Variants in ARHGAP44 observed in about 807,000 individuals in gnomAD.
ARHGAP44 encodes the protein Rho GTPase activating protein 44, also known as rho GTPase-activating protein 44.
Under a neutral mutation model 106.8 loss-of-function variants are expected in ARHGAP44, and 43 were observed. That is an observed-to-expected ratio of 0.40 (90% CI 0.32 to 0.52). The LOEUF is 0.52. Ranked by LOEUF, ARHGAP44 falls within the 20% of genes least tolerant of loss-of-function variation. The pLI is 0.48. For synonymous variants in ARHGAP44, 439 were observed against 410.3 expected (o/e 1.07, Z -0.85); for missense variants, 866 against 1,050.5 (o/e 0.82, Z 2.43).
intron 1 of ARHGAP44, among the ~76,000 whole-genome samples, chr17:12,829,764 C>T (rs1262917125): frequency 6.6e-6 from 1 of 152,172 alleles, no homozygotes; most frequent in East Asian, 1.9e-4. Flanking sequence ...TCATTTTCTT[C>T]ATGTGGCCTT....
At position 12,863,074 on chromosome 17, in the gene ARHGAP44, GC is replaced by G. The variant is rs544388755; in HGVS notation, c.54-31863del. Among the ~76,000 whole-genome samples the G allele has an allele frequency of 8.9e-3, 1,350 of 151,298 alleles. 17 individuals carry two copies. Among genetic ancestry groups the G allele is most frequent in the African/African-American group, 0.031 (1,282 of 41,236 alleles). The stretch of plus-strand genomic sequence containing the variant: ...AGGCTGAGGCAGGAGGGTCGCTTGG[GC>G]CCAGGAGTTTGAGACCAGCCTGGGC... On this transcript the variant is annotated intron_variant, in intron 1 of 20. Coordinates refer to ENST00000379672, the MANE Select transcript of ARHGAP44 (RefSeq NM_014859.6).
intron 20 of ARHGAP44, chr17:12,985,981 C>G (rs541510116): frequency 6.6e-6 from 1 of 152,210 alleles, no homozygotes; most frequent in East Asian, 1.9e-4. Flanking sequence ...CCTCCACGTC[C>G]TTCTCCAAAA....
intron 1 of ARHGAP44, among the ~76,000 whole-genome samples, chr17:12,817,004 G>A (rs2034617849): frequency 6.6e-6 from 1 of 152,132 alleles, no homozygotes; most frequent in Admixed American, 6.5e-5. Context: ...CACCAAGGTT[G>A]ACTATATCCT....
At chr17:12,937,705 T>C (rs944575902) in intron 7 of ARHGAP44, among the ~76,000 whole-genome samples, 3 of 152,082 alleles carry the variant, frequency 2.0e-5, no homozygotes, top group Non-Finnish European at 4.4e-5. Context: ...AAACTGGAAG[T>C]CAACAATAAA....
At chr17:12,888,907 C>T (rs1201051422) in intron 1 of ARHGAP44, among the ~76,000 whole-genome samples, 2 of 152,064 alleles carry the variant, frequency 1.3e-5, no homozygotes, top group East Asian at 3.9e-4. Context: ...ATAGATACTT[C>T]TGCCTTTTTG....
At chr17:12,842,910 C>T (rs2035457865) in intron 1 of ARHGAP44, among the ~76,000 whole-genome samples, 1 of 152,182 alleles carries the variant, frequency 6.6e-6, no homozygotes, top group South Asian at 2.1e-4. Context: ...GCCACGCAGG[C>T]TCCTGGTCAC....
chr17:12,961,239 T>G (rs556480239), intron 16 of ARHGAP44, among the ~76,000 whole-genome samples: 1 of 152,334 alleles, frequency 6.6e-6, no homozygotes, highest in Admixed American at 6.5e-5. Flanking sequence ...TGCAGGCAGA[T>G]GCAGAAGCTT....
chr17:12,864,522 A>G (rs1187233535), intron 1 of ARHGAP44, among the ~76,000 whole-genome samples: 4 of 152,130 alleles, frequency 2.6e-5, no homozygotes, highest in Non-Finnish European at 4.4e-5. Context: ...ACCAGCCTAC[A>G]AGAAATTGTA....
At chr17:12,971,782 G>T (rs558345785) in intron 16 of ARHGAP44, among the ~76,000 whole-genome samples, 1 of 152,250 alleles carries the variant, frequency 6.6e-6, no homozygotes, top group South Asian at 2.1e-4. Context: ...CATCCCTGGT[G>T]CCTCCTTGAA....
intron 1 of ARHGAP44, among the ~76,000 whole-genome samples, chr17:12,838,735 G>C (rs531389329): frequency 3.9e-4 from 60 of 152,148 alleles, no homozygotes; most frequent in African/African-American, 1.3e-3. Context: ...GCAGTGGAGC[G>C]ACCTTGGCTT....
intron 16 of ARHGAP44, among the ~76,000 whole-genome samples, chr17:12,964,291 T>G (rs534884976): frequency 4.3e-4 from 66 of 152,364 alleles, no homozygotes; most frequent in Non-Finnish European, 6.8e-4. Context: ...AATCAATTTT[T>G]TTTTCTACTG....
At chr17:12,827,668 T>C (rs1231912807) in intron 1 of ARHGAP44, among the ~76,000 whole-genome samples, 1 of 152,232 alleles carries the variant, frequency 6.6e-6, no homozygotes, top group Non-Finnish European at 1.5e-5. Context: ...TTAATTTTTC[T>C]ATATTTCATG....
At chr17:12,809,074 T>A (rs1037020861) in intron 1 of ARHGAP44, among the ~76,000 whole-genome samples, 12 of 152,218 alleles carry the variant, frequency 7.9e-5, no homozygotes, top group Non-Finnish European at 1.3e-4. Flanking sequence ...TGAGTCTCTT[T>A]GCTAAAACAC....
chr17:12,975,024 A>AT (rs1399035817), intron 18 of ARHGAP44, among the ~76,000 whole-genome samples: 2 of 151,812 alleles, frequency 1.3e-5, no homozygotes, highest in African/African-American at 4.8e-5. Flanking sequence ...TAATTTTTGT[A>AT]TTTTTAGTAG....
chr17:12,841,009 G>A (rs1216886367), intron 1 of ARHGAP44, among the ~76,000 whole-genome samples: 5 of 152,120 alleles, frequency 3.3e-5, no homozygotes, highest in Non-Finnish European at 5.9e-5. Context: ...GGTGATTAAC[G>A]TGCACCGTCT....
intron 8 of ARHGAP44, 74 bp downstream of exon 8, chr17:12,941,198 T>A: frequency 7.4e-7 from 1 of 1,352,808 alleles, no homozygotes; most frequent in Non-Finnish European, 1.1e-6. Context: ...GAATTAAGAG[T>A]CCCTTAATTG....
In ARHGAP44 at chr17:12,852,205, G is replaced by C. The variant is rs531908093; in HGVS notation, c.54-42735G>C. 1.2e-4 allele frequency among the ~76,000 whole-genome samples: 16 copies of C among 136,930 alleles called. No homozygotes were observed. The South Asian group carries it at 4.4e-3, about 38-fold the overall frequency. The allele number at this position is 136,930 out of a possible 152,430, so 89.8% of individuals were successfully genotyped here. On this transcript the variant is annotated intron_variant, in intron 1 of 20. Transcript: ENST00000379672. ...CTAAGATTAGGCAAAACGATAGGGA[G>C]GGTGGTTTTGTGTGGGATAGATTTT...
chr17:12,877,712 T>C (rs1331416132), intron 1 of ARHGAP44, among the ~76,000 whole-genome samples: 1 of 151,300 alleles, frequency 6.6e-6, no homozygotes, highest in African/African-American at 2.4e-5. Flanking sequence ...ATCGCGCCAC[T>C]GCACCCCAGC....
At chr17:12,980,648 G>A (rs1174011150) in intron 19 of ARHGAP44, among the ~76,000 whole-genome samples, 1 of 152,204 alleles carries the variant, frequency 6.6e-6, no homozygotes, top group African/African-American at 2.4e-5. Context: ...CAGGGTGACA[G>A]GAGGGAGTCA....
Sources: allele counts gnomAD v4.1 joint callset (sites outside exome capture counted in the v4.1 genomes callset), GRCh38; gene constraint gnomAD v4.1.1; transcripts MANE v1.5; gene names NCBI Gene and HGNC (gene_info 2026-07-23, HGNC 2026-07-21).